The following PRH1 variants were observed in gnomAD, a reference collection of about 807,000 sequenced individuals.
PRH1 encodes salivary acidic proline-rich phosphoprotein 1/2.
A neutral mutation model predicts 7.9 loss-of-function variants in PRH1; 7 were observed. The observed-to-expected ratio is 0.89, with a 90% confidence interval of 0.50 to 1.67. The LOEUF (loss-of-function observed/expected upper bound fraction) is 1.67. Among genes scored for constraint, PRH1 ranks in the 40% most tolerant of loss-of-function variants. The probability of loss-of-function intolerance (pLI) is 0.00; values close to 1 mark genes in which losing one functional copy is unlikely to be tolerated. For synonymous variants in PRH1, 45 were observed against 80.8 expected (o/e 0.56, Z 2.38); for missense variants, 109 against 223.6 (o/e 0.49, Z 3.27).
intron 1 of PRH1, chr12:11,022,026 T>C (rs375526057): frequency 1.3e-6 from 2 of 1,581,674 alleles, no homozygotes; most frequent in Non-Finnish European, 1.7e-6. Context: ...TGAGGTTTGC[T>C]AGAGTAGTTA....
intron 1 of PRH1, among the ~76,000 whole-genome samples, chr12:11,086,331 T>C (rs1384351157): frequency 3.4e-5 from 4 of 118,712 alleles, no homozygotes; most frequent in Non-Finnish European, 6.0e-5. Context: ...CCTCGGACAC[T>C]TAAAAAACGT....
chr12:11,063,600 T>C (rs1943698711), intron 1 of PRH1, among the ~76,000 whole-genome samples: 1 of 152,120 alleles, frequency 6.6e-6, no homozygotes, highest in Non-Finnish European at 1.5e-5. Flanking sequence ...TAATGTAGTT[T>C]GGAGGGTTTT....
chr12:11,093,941 T>C (rs1344289105), intron 1 of PRH1, among the ~76,000 whole-genome samples: 2 of 114,412 alleles, frequency 1.7e-5, no homozygotes, highest in Non-Finnish European at 2.1e-5. Flanking sequence ...TGCCGCCACC[T>C]GATCCAGACT....
intron 2 of PRH1, among the ~76,000 whole-genome samples, chr12:10,961,283 CAA>C (rs1938223303): frequency 6.9e-6 from 1 of 145,180 alleles, no homozygotes; most frequent in South Asian, 2.1e-4. Context: ...AGATTAGAGA[CAA>C]GAGAAAGAAC....
chr12:10,893,943 T>A (rs1397494091), intron 2 of PRH1, among the ~76,000 whole-genome samples: 1 of 152,176 alleles, frequency 6.6e-6, no homozygotes, highest in Non-Finnish European at 1.5e-5. Flanking sequence ...TTACATGCTT[T>A]CTCATTACAT....
chr12:10,922,396 T>C (rs1950058306), intron 2 of PRH1, among the ~76,000 whole-genome samples: 1 of 152,240 alleles, frequency 6.6e-6, no homozygotes, highest in South Asian at 2.1e-4. Context: ...TTATCTTTTA[T>C]GTAGAAATGT....
intron 2 of PRH1, among the ~76,000 whole-genome samples, chr12:10,940,318 T>C (rs1289467301): frequency 2.0e-5 from 3 of 152,254 alleles, no homozygotes; most frequent in Non-Finnish European, 4.4e-5. Context: ...GCATTTATTA[T>C]GCATCTAGTT....
intron 1 of PRH1, among the ~76,000 whole-genome samples, chr12:11,160,048 G>C (rs1343138737): frequency 6.6e-6 from 1 of 152,110 alleles, no homozygotes; most frequent in Non-Finnish European, 1.5e-5. Flanking sequence ...AAGCGAAGTC[G>C]AGTATGTAAA....
chr12:10,986,182 C>T (rs1488362785), intron 1 of PRH1: 2 of 1,614,034 alleles, frequency 1.2e-6, no homozygotes, highest in Admixed American at 1.7e-5. Flanking sequence ...GTTTGCAAAG[C>T]TTTTATGTGG....
upstream of PRH1, among the ~76,000 whole-genome samples, chr12:11,047,663 A>G (rs756050587): frequency 1.3e-5 from 2 of 152,108 alleles, no homozygotes; most frequent in African/African-American, 4.8e-5. Context: ...CTATTCACAT[A>G]CTACTATTAA....
At chr12:11,046,961 C>A (rs1008059681) in intron 1 of PRH1, 15 of 463,150 alleles carry the variant, frequency 3.2e-5, no homozygotes, top group African/African-American at 2.4e-4. Context: ...GAAAAGGGAG[C>A]ACATTTCTGA....
chr12:10,919,058 A>T (rs1950011339), intron 2 of PRH1, among the ~76,000 whole-genome samples: 1 of 152,136 alleles, frequency 6.6e-6, no homozygotes, highest in African/African-American at 2.4e-5. Flanking sequence ...CAAGATTACA[A>T]AACAATTCTT....
chr12:10,983,592 G>A (rs150432174), intron 1 of PRH1, among the ~76,000 whole-genome samples: 2 of 152,198 alleles, frequency 1.3e-5, no homozygotes, highest in Non-Finnish European at 2.9e-5. Flanking sequence ...TGGTAGTTCT[G>A]CCTCAGGGAA....
chr12:11,079,620 A>G (rs796272660), intron 1 of PRH1, among the ~76,000 whole-genome samples: 2,560 of 67,126 alleles, frequency 0.038, 30 homozygotes, highest in Non-Finnish European at 0.052. Context: ...AACCAAGAGT[A>G]TGGGAAACAT....
chr12:11,057,207 T>C (rs1943400527), intron 1 of PRH1, among the ~76,000 whole-genome samples: 1 of 152,162 alleles, frequency 6.6e-6, no homozygotes, highest in African/African-American at 2.4e-5. Context: ...AGTTTCCATA[T>C]GTTGCAAAGG....
intron 1 of PRH1, among the ~76,000 whole-genome samples, chr12:11,169,956 G>C (rs952864565): frequency 6.6e-6 from 1 of 152,158 alleles, no homozygotes; most frequent in Admixed American, 6.5e-5. Context: ...TATAGAAACA[G>C]AGGTACTCTA....
At chr12:11,133,374 G>A (rs1946432060) in intron 1 of PRH1, 2 of 1,613,758 alleles carry the variant, frequency 1.2e-6, no homozygotes, top group Non-Finnish European at 8.5e-7. Context: ...AAAACTGAAA[G>A]AAAAATCTGC....
intron 1 of PRH1, chr12:11,046,902 G>A (rs1942919887): frequency 2.2e-5 from 9 of 400,806 alleles, no homozygotes; most frequent in Non-Finnish European, 1.1e-5. Flanking sequence ...GAATTGGGGA[G>A]AATATTGGCA....
chr12:10,912,900 C>T (rs1281185625), intron 2 of PRH1, among the ~76,000 whole-genome samples: 3 of 152,044 alleles, frequency 2.0e-5, no homozygotes, highest in Admixed American at 6.6e-5. Context: ...TTCATACATC[C>T]ACTAGATCTA....
Sources: gnomAD v4.1 joint callset for allele counts (sites outside exome capture counted in the v4.1 genomes callset) on GRCh38, gnomAD v4.1.1 for gene constraint, MANE v1.5 for transcripts, NCBI Gene and HGNC (gene_info 2026-07-23, HGNC 2026-07-21) for gene names.